Variants in NLRC5 observed in about 807,000 individuals in gnomAD.
NLRC5 encodes NLR family CARD domain containing 5.
In NLRC5, 114 loss-of-function variants were observed where a neutral mutation model predicts 206.9. That is an observed-to-expected ratio of 0.55 (90% CI 0.47 to 0.64). The LOEUF is 0.64. Ranked by LOEUF, NLRC5 falls within the 30% of genes least tolerant of loss-of-function variation. The probability of loss-of-function intolerance (pLI) is 0.00; values close to 1 mark genes in which losing one functional copy is unlikely to be tolerated. For missense variants in NLRC5, 2,008 were observed against 2,305.5 expected, an observed-to-expected ratio of 0.87 and a Z score of 2.64; for synonymous variants, 952 against 962.8, an observed-to-expected ratio of 0.99 and a Z score of 0.21.
Position 57,079,109 on chromosome 16 carries a change from G to GGGGATCC in NLRC5, c.5141_5142insGGGATCC (p.Ser1715GlyfsTer39). ...CTGAGCCTGGCCCAGGCCCTGGATG[G>GGGGATCC]ATCCCCCCATTTGGAAGAGATCAGG... On this transcript the variant is annotated frameshift_variant, in exon 44 of 49. Transcript: ENST00000688547. LOFTEE classifies it high-confidence loss of function. 6.2e-7 allele frequency: 1 copy of GGGGATCC among 1,614,174 alleles called. No individual in the cohort carries two copies. The highest frequency in any genetic ancestry group is 8.5e-7 in the Non-Finnish European group (1 of 1,180,036).
At chr16:57,016,264 C>A (rs777110908) in intron 1 of NLRC5, among the ~76,000 whole-genome samples, 1 of 152,092 alleles carries the variant, frequency 6.6e-6, no homozygotes, top group African/African-American at 2.4e-5. Flanking sequence ...TGTTATTAGT[C>A]CCCCAGGACC....
At position 57,061,530 on chromosome 16, in the gene NLRC5, A is replaced by T; in HGVS notation, c.4069A>T (p.Thr1357Ser). 6.2e-7 allele frequency: 1 copy of T among 1,607,958 alleles called. No homozygotes were observed. Among genetic ancestry groups the T allele is most frequent in the Non-Finnish European group, 8.5e-7 (1 of 1,178,314 alleles). ...LSKSLQLTEL[T>S]LTQCCLGQKQ... Reference sequence around the variant, plus strand: ...CAAGTCCCTGCAGCTGACGGAGCTCACGTGAGTGACCCACCCAGCCCGTGA... The same window carrying T: ...CAAGTCCCTGCAGCTGACGGAGCTCTCGTGAGTGACCCACCCAGCCCGTGA... Residue 1357 changes from threonine (T) to serine (S), a missense_variant and splice_region_variant, in exon 31 of 49, where the codon ACG becomes TCG. Physicochemically the swap from Thr to Ser is moderately conservative, Grantham distance 58. Coordinates refer to ENST00000688547, the MANE Select transcript of NLRC5 (RefSeq NM_001384950.1).
In NLRC5 at chr16:57,081,518, A is replaced by G. The variant is rs200334262; in HGVS notation, c.5406-9A>G. On this transcript the variant is annotated splice_polypyrimidine_tract_variant and intron_variant, in intron 47 of 48. Transcript: ENST00000688547. Reference sequence around the variant, plus strand: ...TCTCTTTCCCCTCCCCTCACTGTCCACTGAGAAGCCTGGAGAAGAATCAGA... The same window carrying G: ...TCTCTTTCCCCTCCCCTCACTGTCCGCTGAGAAGCCTGGAGAAGAATCAGA... 22 of 1,613,564 alleles carry G rather than the reference A, an allele frequency of 1.4e-5. No homozygotes were observed. The African/African-American group carries it at 2.7e-4, about 20-fold the overall frequency.
At position 57,037,230 on chromosome 16, in the gene NLRC5, A is replaced by C; in HGVS notation, c.2747A>C (p.His916Pro). The change falls in exon 15 of 49, where the codon CAT (histidine) becomes CCT (proline). Residue 916 changes from histidine (H) to proline (P), a missense_variant. His to Pro is a moderately conservative substitution (Grantham distance 77). Coordinates refer to ENST00000688547, the MANE Select transcript of NLRC5 (RefSeq NM_001384950.1). ...AACGGGCTTTCTGTGGCCGGGGTGCATTGTGTGCTGAGGGCCGTGAGTGCG... is the reference window on the plus strand; with the variant it reads ...AACGGGCTTTCTGTGGCCGGGGTGCCTTGTGTGCTGAGGGCCGTGAGTGCG... ...SNNGLSVAGV[H>P]CVLRAVSACW... 1 of 1,613,718 alleles carries C rather than the reference A, an allele frequency of 6.2e-7. No homozygotes were observed. Among genetic ancestry groups the C allele is most frequent in the Non-Finnish European group, 8.5e-7 (1 of 1,179,928 alleles).
chr16:57,055,111 C>T lies in NLRC5; in HGVS notation c.3659+17C>T. The stretch of plus-strand genomic sequence containing the variant: ...GTGCTGTGGGTAAGCCCCCTTGAAC[C>T]ATGCCTAGGCAGCTAGTTGATGTTG... On this transcript the variant is annotated intron_variant, in intron 26 of 48. Transcript: ENST00000688547. 1 of 1,613,988 alleles carries T rather than the reference C, an allele frequency of 6.2e-7. No homozygotes were observed. The highest frequency in any genetic ancestry group is 2.2e-5 in the East Asian group (1 of 44,882).
In NLRC5 at chr16:57,037,237, G is replaced by A. The variant is rs199475985; in HGVS notation, c.2754G>A (p.Val918=). 6.2e-7 allele frequency: 1 copy of A among 1,613,834 alleles called. No individual in the cohort carries two copies. Among genetic ancestry groups the A allele is most frequent in the African/African-American group, 1.3e-5 (1 of 75,028 alleles). The part of the protein sequence containing the change: ...NGLSVAGVHC[V]LRAVSACWTL... ...TTTCTGTGGCCGGGGTGCATTGTGT[G>A]CTGAGGGCCGTGAGTGCGTGCTGGA... Residue 918 remains valine (V), a synonymous_variant, in exon 15 of 49, where the codon GTG becomes GTA. Coordinates refer to ENST00000688547, the MANE Select transcript of NLRC5 (RefSeq NM_001384950.1).
intron 10 of NLRC5, among the ~76,000 whole-genome samples, chr16:57,030,595 G>C (rs145829500): frequency 6.6e-6 from 1 of 150,646 alleles, no homozygotes; most frequent in Admixed American, 6.6e-5. Context: ...TAGCTGAAAA[G>C]ATGGATAGGT....
At chr16:57,070,481 G>T in intron 37 of NLRC5, 54 bp from the exon 38 acceptor site, 1 of 1,519,220 alleles carries the variant, frequency 6.6e-7, no homozygotes, top group Non-Finnish European at 9.1e-7. Context: ...GGACAGCTCA[G>T]CTCCAGGGCT....
At position 57,066,307 on chromosome 16, in the gene NLRC5, T is replaced by G. The variant is rs564399084; in HGVS notation, c.4242-227T>G. On this transcript the variant is annotated intron_variant, in intron 33 of 48. Transcript: ENST00000688547. ...GCTACAGAGCAAGACCCTGTCTCTT[T>G]AAAAAAAAAAAAAAAGAAAGAGAAA... Among the ~76,000 whole-genome samples the G allele has an allele frequency of 9.3e-3, 1,288 of 138,686 alleles. 12 individuals carry two copies. The highest frequency in any genetic ancestry group is 0.015 in the Non-Finnish European group (933 of 63,294). The allele number at this position is 138,686 out of a possible 152,430, so 91.0% of individuals were successfully genotyped here. A position where few individuals can be genotyped will look rare whatever the true frequency, so the allele number is the denominator to read the frequency against.
In NLRC5 at chr16:57,025,503, C is replaced by T. The variant is rs778963589; in HGVS notation, c.560C>T (p.Ser187Phe). 1.9e-6 allele frequency: 3 copies of T among 1,613,542 alleles called. No individual in the cohort carries two copies. The highest frequency in any genetic ancestry group is 1.3e-5 in the African/African-American group (1 of 74,936). ...VPPILRRATASLDTPEGAIMG... is the reference protein window; with the variant it reads ...VPPILRRATAFLDTPEGAIMG... ...CCAATCCTGCGCCGGGCCACAGCAT[C>T]CTTAGACACTCCGGAGGGGGCCATT... The change falls in exon 6 of 49, where the codon TCC becomes TTC. Residue 187 changes from serine to phenylalanine, a missense_variant. Coordinates refer to ENST00000688547, the MANE Select transcript of NLRC5 (RefSeq NM_001384950.1).
chr16:57,055,120 G>T, intron 26 of NLRC5, 26 bp downstream of exon 26: 2 of 1,613,514 alleles, frequency 1.2e-6, no homozygotes, highest in African/African-American at 1.3e-5. Flanking sequence ...CCATGCCTAG[G>T]CAGCTAGTTG....
At chr16:57,060,714 T>A (rs570658558) in intron 30 of NLRC5, among the ~76,000 whole-genome samples, 7 of 152,176 alleles carry the variant, frequency 4.6e-5, no homozygotes, top group African/African-American at 1.7e-4. Context: ...CTGAAGATTC[T>A]CTGCCTCTGC....
rs1280382469 is a variant in NLRC5 at position 57,070,964 on chromosome 16, G to T, written c.4667+346G>T. On this transcript the variant is annotated intron_variant, in intron 38 of 48. Transcript: ENST00000688547. ...GTTGTGTTGGTGGTTAATGGGGAAG[G>T]AGATGAGTGAGTGGTGTTGGTGGTT... Among the ~76,000 whole-genome samples the T allele has an allele frequency of 7.2e-4, 62 of 86,014 alleles. 2 individuals are homozygous for T. Among genetic ancestry groups the T allele is most frequent in the Middle Eastern group, 4.9e-3 (1 of 204 alleles). The allele number at this position is 86,014 out of a possible 152,430, so 56.4% of individuals were successfully genotyped here. A position where few individuals can be genotyped will look rare whatever the true frequency, so the allele number is the denominator to read the frequency against.
intron 1 of NLRC5, among the ~76,000 whole-genome samples, chr16:57,003,277 G>C (rs751025973): frequency 1.3e-5 from 2 of 151,656 alleles, no homozygotes; most frequent in African/African-American, 4.8e-5. Context: ...CTCAAACTCC[G>C]GACCTCAGGT....
At chr16:57,033,043 C>A (rs970208641) in intron 11 of NLRC5, among the ~76,000 whole-genome samples, 3 of 151,990 alleles carry the variant, frequency 2.0e-5, no homozygotes, top group Non-Finnish European at 2.9e-5. Context: ...TCTGTGAAAC[C>A]TGGCTCATGA....
chr16:57,047,397 C>T (rs1003633768), intron 22 of NLRC5, 148 bp from the exon 23 acceptor site: 25 of 669,644 alleles, frequency 3.7e-5, no homozygotes, highest in African/African-American at 2.9e-4. Flanking sequence ...AGGGGAGACT[C>T]GAGAGGGAAG....
chr16:57,006,413 CTTTTTTTT>C (rs58713490), intron 1 of NLRC5, among the ~76,000 whole-genome samples: 31 of 90,826 alleles, frequency 3.4e-4, no homozygotes, highest in South Asian at 1.0e-3. Context: ...TCTTCATCCT[CTTTTTTTT>C]TTTTTTTTTT....
At position 57,037,259 on chromosome 16, in the gene NLRC5, T is replaced by G. The variant is rs1296770924; in HGVS notation, c.2776T>G (p.Trp926Gly). ...TGTGCTGAGGGCCGTGAGTGCGTGC[T>G]GGACCCTGGCAGAGCTGCACATCAG... ...HCVLRAVSACWTLAELHISLQ... is the reference protein window; with the variant it reads ...HCVLRAVSACGTLAELHISLQ... Residue 926 changes from tryptophan to glycine, a missense_variant, in exon 15 of 49, where the codon TGG (tryptophan) becomes GGG (glycine). Transcript: ENST00000688547. 5 of 1,613,640 alleles carry G rather than the reference T, an allele frequency of 3.1e-6. No individual in the cohort carries two copies. Among genetic ancestry groups the G allele is most frequent in the Non-Finnish European group, 4.2e-6 (5 of 1,179,974 alleles).
chr16:57,031,498 C>T (rs752269773), intron 11 of NLRC5, 35 bp downstream of exon 11: 2 of 1,608,872 alleles, frequency 1.2e-6, no homozygotes, highest in African/African-American at 2.7e-5. Flanking sequence ...CTGGGGCCAT[C>T]CTTAGAAGCA....
Sources: allele counts gnomAD v4.1 joint callset (sites outside exome capture counted in the v4.1 genomes callset), GRCh38; gene constraint gnomAD v4.1.1; transcripts MANE v1.5; gene names NCBI Gene and HGNC (gene_info 2026-07-23, HGNC 2026-07-21).